PCSK2: variants seen among roughly 807,000 people sequenced by gnomAD.
The protein encoded by PCSK2 is proprotein convertase subtilisin/kexin type 2.
Under a neutral mutation model 69.7 loss-of-function variants are expected in PCSK2, and 14 were observed. The ratio of observed to expected loss-of-function variants is 0.20; its 90% CI spans 0.13 to 0.31. The LOEUF is 0.31. PCSK2 is among the 10% of genes least tolerant of loss of function. The probability of loss-of-function intolerance (pLI) is 1.00; values close to 1 mark genes in which losing one functional copy is unlikely to be tolerated. For synonymous variants in PCSK2, 307 were observed against 320.7 expected (o/e 0.96, Z 0.46); for missense variants, 544 against 842.5 (o/e 0.65, Z 4.39).
chr20:17,434,463 G>T (rs1287276724), intron 7 of PCSK2, among the ~76,000 whole-genome samples: 2 of 152,182 alleles, frequency 1.3e-5, no homozygotes, highest in Admixed American at 6.5e-5. Context: ...TTAAAAGAAT[G>T]TCGGGTGCCT....
chr20:17,228,666 C>G (rs74362578), intron 1 of PCSK2, among the ~76,000 whole-genome samples: 2,187 of 152,224 alleles, frequency 0.014, 51 homozygotes, highest in East Asian at 0.13. Flanking sequence ...CCGCGCAGAC[C>G]GAAGCTCTTA....
chr20:17,231,961 A>G (rs887862346), intron 1 of PCSK2, among the ~76,000 whole-genome samples: 1 of 152,190 alleles, frequency 6.6e-6, no homozygotes, highest in East Asian at 1.9e-4. Context: ...ATCTGCCTTC[A>G]GGAAGAGCCC....
intron 2 of PCSK2, among the ~76,000 whole-genome samples, chr20:17,347,885 A>AGG (rs879315751): frequency 7.3e-5 from 1 of 13,790 alleles, no homozygotes; most frequent in Non-Finnish European, 2.1e-4. Context: ...AGAAAGAAAG[A>AGG]AAGAAAGAAA....
chr20:17,322,143 T>C, intron 2 of PCSK2, among the ~76,000 whole-genome samples: 1 of 152,182 alleles, frequency 6.6e-6, no homozygotes, highest in Non-Finnish European at 1.5e-5. Flanking sequence ...AAGCAAAGCT[T>C]ATCACACTTC....
intron 1 of PCSK2, among the ~76,000 whole-genome samples, chr20:17,248,178 GTGTGTGTGT>G (rs1568568992): frequency 2.3e-5 from 1 of 43,328 alleles, no homozygotes; most frequent in African/African-American, 9.1e-5. Flanking sequence ...AAAAAAGGGT[GTGTGTGTGT>G]GTGTGTGTGT....
At chr20:17,378,951 G>A (rs2031011357) in intron 5 of PCSK2, among the ~76,000 whole-genome samples, 1 of 152,108 alleles carries the variant, frequency 6.6e-6, no homozygotes, top group African/African-American at 2.4e-5. Context: ...ATATTTTACT[G>A]GCTTTTTTAT....
chr20:17,256,952 C>T (rs1260438150), intron 1 of PCSK2, among the ~76,000 whole-genome samples: 1 of 152,194 alleles, frequency 6.6e-6, no homozygotes, highest in Admixed American at 6.5e-5. Context: ...GACATGAACT[C>T]ATCCTTTTTT....
intron 1 of PCSK2, among the ~76,000 whole-genome samples, chr20:17,238,189 C>G (rs1391901602): frequency 6.6e-6 from 1 of 152,162 alleles, no homozygotes; most frequent in Admixed American, 6.5e-5. Flanking sequence ...ATAGACCATC[C>G]CTTCAAGAGG....
At chr20:17,417,911 AT>A (rs554149846) in intron 6 of PCSK2, among the ~76,000 whole-genome samples, 169 of 152,174 alleles carry the variant, frequency 1.1e-3, no homozygotes, top group African/African-American at 3.7e-3. Flanking sequence ...TATGTTTTTG[AT>A]TTTTTTCTAA....
intron 9 of PCSK2, among the ~76,000 whole-genome samples, chr20:17,454,258 G>A (rs1191567088): frequency 6.6e-6 from 1 of 152,124 alleles, no homozygotes; most frequent in African/African-American, 2.4e-5. Context: ...CCAATCAGTT[G>A]CCCCATTCCA....
intron 9 of PCSK2, 111 bp downstream of exon 9, chr20:17,454,068 G>A: frequency 6.9e-7 from 1 of 1,440,532 alleles, no homozygotes; most frequent in Middle Eastern, 1.8e-4. Flanking sequence ...CTCAGAGCCT[G>A]AACTAAGGCT....
intron 2 of PCSK2, among the ~76,000 whole-genome samples, chr20:17,326,909 C>T (rs1234801830): frequency 1.3e-5 from 2 of 152,188 alleles, no homozygotes; most frequent in Admixed American, 6.5e-5. Context: ...GGATGTGGGG[C>T]TGCCTGCCCT....
At chr20:17,371,872 G>A (rs545550860) in intron 5 of PCSK2, among the ~76,000 whole-genome samples, 19 of 152,286 alleles carry the variant, frequency 1.2e-4, no homozygotes, top group Non-Finnish European at 2.5e-4. Flanking sequence ...AGAGGGAGAT[G>A]AGATGGCAGA....
intron 11 of PCSK2, 35 bp downstream of exon 11, chr20:17,465,588 G>A: frequency 7.4e-7 from 1 of 1,353,150 alleles, no homozygotes; most frequent in South Asian, 1.3e-5. Context: ...GCTGCATGTG[G>A]AAAGTGCCCC....
At chr20:17,230,299 C>A (rs915360731) in intron 1 of PCSK2, among the ~76,000 whole-genome samples, 1 of 152,154 alleles carries the variant, frequency 6.6e-6, no homozygotes, top group African/African-American at 2.4e-5. Context: ...GAAAGGTCAG[C>A]AATGGAGGCT....
At chr20:17,403,427 G>A (rs549455787) in intron 5 of PCSK2, among the ~76,000 whole-genome samples, 25 of 152,316 alleles carry the variant, frequency 1.6e-4, no homozygotes, top group Admixed American at 7.8e-4. Flanking sequence ...ACATTAAGCC[G>A]TGGCCATATT....
chr20:17,346,724 G>A (rs768895974), intron 2 of PCSK2, among the ~76,000 whole-genome samples: 9 of 152,242 alleles, frequency 5.9e-5, no homozygotes, highest in South Asian at 4.2e-4. Context: ...CATTCCTGCC[G>A]TAATATCTGG....
rs868281889 is a variant in PCSK2 at position 17,368,316 on chromosome 20, C to T, written c.506-924C>T. Among the ~76,000 whole-genome samples, 21 of 152,284 alleles carry T rather than the reference C, an allele frequency of 1.4e-4. 1 individual carries two copies. In the Middle Eastern group the frequency reaches 0.017, roughly 123 times the overall value. On this transcript the variant is annotated intron_variant, in intron 4 of 11. Coordinates refer to ENST00000262545, the MANE Select transcript of PCSK2 (RefSeq NM_002594.5). ...TTAGTCCTTACATTGTTCTCACCCC[C>T]AGTTGATCAAAAAGGAAAATTATCA...
intron 1 of PCSK2, among the ~76,000 whole-genome samples, chr20:17,245,609 C>G (rs568380793): frequency 6.6e-6 from 1 of 152,182 alleles, no homozygotes; most frequent in Non-Finnish European, 1.5e-5. Flanking sequence ...ACAGAGAATG[C>G]TAGCCTCATC....
Sources: gnomAD v4.1 joint callset for allele counts (sites outside exome capture counted in the v4.1 genomes callset) on GRCh38, gnomAD v4.1.1 for gene constraint, MANE v1.5 for transcripts, NCBI Gene and HGNC (gene_info 2026-07-23, HGNC 2026-07-21) for gene names.